Variants in CHRNA4 observed in about 807,000 individuals in gnomAD.
CHRNA4 encodes the protein cholinergic receptor nicotinic alpha 4 subunit.
A neutral mutation model predicts 48.9 loss-of-function variants in CHRNA4; 28 were observed. The observed-to-expected ratio is 0.57, with a 90% CI of 0.42 to 0.79. CHRNA4 has a LOEUF of 0.79. Ranked by LOEUF, CHRNA4 falls within the 30% of genes least tolerant of loss-of-function variation. The pLI, the probability that CHRNA4 is intolerant of heterozygous loss-of-function variation, is 0.00. For synonymous variants in CHRNA4, 425 were observed against 402.3 expected, an observed-to-expected ratio of 1.06 and a Z score of -0.68; for missense variants, 859 against 898.4, an observed-to-expected ratio of 0.96 and a Z score of 0.56.
At position 63,356,147 on chromosome 20, in the gene CHRNA4, A is replaced by C. The variant is rs111928592; in HGVS notation, c.274-63T>G. The C allele has an allele frequency of 3.2e-4, 107 of 338,968 alleles. 1 individual carries two copies. The African/African-American group carries it at 3.8e-3, about 12-fold the overall frequency. 21.0% of individuals were successfully genotyped at this position (338,968 alleles called of 1,614,324 possible). ...GGGTGTGGGGGAGGGCAGGGGCGGGACAGGGCCAGGGTGGGGCAGGGGCAG... is the reference window on the plus strand; with the variant it reads ...GGGTGTGGGGGAGGGCAGGGGCGGGCCAGGGCCAGGGTGGGGCAGGGGCAG... On this transcript the variant is annotated intron_variant, in intron 3 of 5. Coordinates refer to ENST00000370263, the MANE Select transcript of CHRNA4 (RefSeq NM_000744.7).
intron 2 of CHRNA4, among the ~76,000 whole-genome samples, chr20:63,359,194 C>T (rs45554334): frequency 0.02 from 3,049 of 152,278 alleles, 47 homozygotes; most frequent in Middle Eastern, 0.099. Flanking sequence ...CTGCCCCGGC[C>T]GGTTGTCCCT....
intron 2 of CHRNA4, 164 bp from the exon 3 acceptor site, chr20:63,356,579 G>A (rs1321579201): frequency 1.4e-6 from 1 of 705,898 alleles, no homozygotes; most frequent in East Asian, 2.7e-5. Flanking sequence ...AGGCAGCCGA[G>A]CCCAGGATGG....
Position 63,346,195 on chromosome 20 carries a change from G to C in CHRNA4, c.*543C>G, listed in dbSNP as rs1162312136. 2.2e-6 allele frequency: 1 copy of C among 454,274 alleles called. No individual in the cohort carries two copies. Among genetic ancestry groups the C allele is most frequent in the Non-Finnish European group, 4.4e-6 (1 of 226,892 alleles). The allele number at this position is 454,274 out of a possible 1,614,324, so 28.1% of individuals were successfully genotyped here. ...GCCTGGACCCTCTCCTAGCGAAGCA[G>C]ATTGGAGCGCTGCTGGCTCACCCTC... On this transcript the variant is annotated 3_prime_UTR_variant, in exon 6 of 6. Coordinates refer to ENST00000370263, the MANE Select transcript of CHRNA4 (RefSeq NM_000744.7).
At chr20:63,353,656 G>C (rs114300953) in intron 4 of CHRNA4, among the ~76,000 whole-genome samples, 1 of 72,670 alleles carries the variant, frequency 1.4e-5, no homozygotes, top group South Asian at 6.1e-4. Context: ...TAGTCCTAGG[G>C]GGCTGTGGTC....
chr20:63,359,496 T>C, intron 2 of CHRNA4, 52 bp downstream of exon 2: 1 of 1,609,942 alleles, frequency 6.2e-7, no homozygotes, highest in Non-Finnish European at 8.5e-7. Flanking sequence ...ACCCCTGTGC[T>C]CCTTGCAGGG....
Position 63,349,645 on chromosome 20 carries a change from G to A in CHRNA4, c.1758+8C>T, listed in dbSNP as rs564720339. The A allele has an allele frequency of 1.9e-6, 3 of 1,612,720 alleles. No individual in the cohort carries two copies. Among genetic ancestry groups the A allele is most frequent in the Middle Eastern group, 1.7e-4 (1 of 6,060 alleles). ...GAGGCGCCCAACACAGCCATGGGCG[G>A]GACTTACCGAGAAGTCTGTGTCTTC... On this transcript the variant is annotated splice_region_variant and intron_variant, in intron 5 of 5. Transcript: ENST00000370263.
rs1159384211 is a variant in CHRNA4, at chr20:63,345,051, G to A, written c.*1687C>T. On this transcript the variant is annotated 3_prime_UTR_variant, in exon 6 of 6. Coordinates refer to ENST00000370263, the MANE Select transcript of CHRNA4 (RefSeq NM_000744.7). This position sits in a 1 kb window ranked among gnomAD's most constrained non-coding sequence, Gnocchi z 5.4. ...AGCAGCAGTTCAGAGGCAGGTGTGG[G>A]CAATGTGGGCCTGAGTCTCCTCCCC... 1 of 453,664 alleles carries A rather than the reference G, an allele frequency of 2.2e-6. No homozygotes were observed. Among genetic ancestry groups the A allele is most frequent in the Non-Finnish European group, 4.4e-6 (1 of 226,560 alleles). 28.1% of individuals were successfully genotyped at this position (453,664 alleles called of 1,614,324 possible). A position where few individuals can be genotyped will look rare whatever the true frequency, so the allele number is the denominator to read the frequency against.
In CHRNA4 at chr20:63,345,758, G is replaced by T. The variant is rs767434662; in HGVS notation, c.*980C>A. 7 of 446,002 alleles carry T rather than the reference G, an allele frequency of 1.6e-5. No individual in the cohort carries two copies. The highest frequency in any genetic ancestry group is 4.0e-5 in the African/African-American group (2 of 49,864). The allele number at this position is 446,002 out of a possible 1,614,324, so 27.6% of individuals were successfully genotyped here. ...ACTGTAGCAGGAAGTCCTTCTTCCC[G>T]AACCCAGAGCCCAGGGCGGATCTCC... On this transcript the variant is annotated 3_prime_UTR_variant, in exon 6 of 6. Coordinates refer to ENST00000370263, the MANE Select transcript of CHRNA4 (RefSeq NM_000744.7). This position sits in a 1 kb window ranked among gnomAD's most constrained non-coding sequence, Gnocchi z 5.4.
At chr20:63,349,546 C>T in intron 5 of CHRNA4, 107 bp downstream of exon 5, 1 of 1,435,350 alleles carries the variant, frequency 7.0e-7, no homozygotes, top group South Asian at 1.1e-5. Flanking sequence ...CAAAGCGAAG[C>T]AGCCTGAGGC....
rs200132743 is a variant in CHRNA4 at position 63,344,537 on chromosome 20, G to T, written c.*2201C>A. 2.2e-6 allele frequency: 1 copy of T among 451,608 alleles called. No individual in the cohort carries two copies. The highest frequency in any genetic ancestry group is 4.4e-6 in the Non-Finnish European group (1 of 226,358). 28.0% of individuals were successfully genotyped at this position (451,608 alleles called of 1,614,324 possible). A position where few individuals can be genotyped will look rare whatever the true frequency, so the allele number is the denominator to read the frequency against. ...GAAAGGGGTCTTCCCCCAGGCAAGCGGCCACCCCCGGCAGGAGGGTCCCCC... is the reference window on the plus strand; with the variant it reads ...GAAAGGGGTCTTCCCCCAGGCAAGCTGCCACCCCCGGCAGGAGGGTCCCCC... On this transcript the variant is annotated 3_prime_UTR_variant, in exon 6 of 6. Transcript: ENST00000370263. This position sits in a 1 kb window ranked among gnomAD's most constrained non-coding sequence, Gnocchi z 4.5.
At chr20:63,349,424 G>T in intron 5 of CHRNA4, 1 of 603,746 alleles carries the variant, frequency 1.7e-6, no homozygotes, top group Non-Finnish European at 2.9e-6. Context: ...ACGGCACCGG[G>T]ATCCACCCTG....
At position 63,345,818 on chromosome 20, in the gene CHRNA4, C is replaced by T. The variant is rs201603407; in HGVS notation, c.*920G>A. 16 of 448,942 alleles carry T rather than the reference C, an allele frequency of 3.6e-5. No individual in the cohort carries two copies. The highest frequency in any genetic ancestry group is 1.6e-4 in the African/African-American group (8 of 50,008). The allele number at this position is 448,942 out of a possible 1,614,324, so 27.8% of individuals were successfully genotyped here. On this transcript the variant is annotated 3_prime_UTR_variant, in exon 6 of 6. Coordinates refer to ENST00000370263, the MANE Select transcript of CHRNA4 (RefSeq NM_000744.7). This position sits in a 1 kb window ranked among gnomAD's most constrained non-coding sequence, Gnocchi z 5.4. ...CGCCAAGGTGGAAACCCTCAGGGTC[C>T]TGGGGGAACCAGGGCCCAGGTCTGG...
chr20:63,347,050 G>C, intron 5 of CHRNA4, 187 bp from the exon 6 acceptor site: 2 of 786,632 alleles, frequency 2.5e-6, no homozygotes, highest in South Asian at 3.1e-5. Flanking sequence ...GGGACAGCCA[G>C]TGCTCTGCGG....
chr20:63,351,724 C>T (rs1350117824), intron 4 of CHRNA4, among the ~76,000 whole-genome samples: 3 of 152,270 alleles, frequency 2.0e-5, no homozygotes, highest in East Asian at 1.9e-4. Context: ...TCCAGGGCCA[C>T]GTCTGAGCCA....
In CHRNA4 at chr20:63,346,481, G is replaced by A. The variant is rs1162064489; in HGVS notation, c.*257C>T. 4 of 652,246 alleles carry A rather than the reference G, an allele frequency of 6.1e-6. No homozygotes were observed. The highest frequency in any genetic ancestry group is 5.6e-6 in the Non-Finnish European group (2 of 355,242). The allele number at this position is 652,246 out of a possible 1,614,324, so 40.4% of individuals were successfully genotyped here. A position where few individuals can be genotyped will look rare whatever the true frequency, so the allele number is the denominator to read the frequency against. On this transcript the variant is annotated 3_prime_UTR_variant, in exon 6 of 6. Coordinates refer to ENST00000370263, the MANE Select transcript of CHRNA4 (RefSeq NM_000744.7). ...TTAGCCCGAGTCCTGCAGGTAGAAG[G>A]CGCCGACCCCCACCTCTGCTCCAAG...
chr20:63,349,899 G>A lies in CHRNA4; in HGVS notation c.1512C>T (p.Gly504=). 1 of 1,594,894 alleles carries A rather than the reference G, an allele frequency of 6.3e-7. No homozygotes were observed. The highest frequency in any genetic ancestry group is 8.6e-7 in the Non-Finnish European group (1 of 1,169,230). ...GAGAGGCCAGGGCGCCGGCAGCCTG[G>A]CCATCTGCCTCGGGGGCGGCATCGT... ...PRDDAAPEAD[G]QAAGALASRN... is the part of the protein sequence containing the mutation. Residue 504 remains glycine, a synonymous_variant, in exon 5 of 6, where the codon GGC becomes GGT. Coordinates refer to ENST00000370263, the MANE Select transcript of CHRNA4 (RefSeq NM_000744.7).
In CHRNA4 at chr20:63,350,196, T is replaced by C. The variant is rs1171154554; in HGVS notation, c.1215A>G (p.Ser405=). ...TSGTQSLHPP[S]PSFCVPLDVP... Reference sequence around the variant, plus strand: ...CATCCAGGGGGACACAGAAGGACGGTGAGGGCGGGTGCAGGCTCTGGGTGC... The same window carrying C: ...CATCCAGGGGGACACAGAAGGACGGCGAGGGCGGGTGCAGGCTCTGGGTGC... The change falls in exon 5 of 6, where the codon TCA becomes TCG. Residue 405 remains serine, a synonymous_variant. Coordinates refer to ENST00000370263, the MANE Select transcript of CHRNA4 (RefSeq NM_000744.7). 3.8e-6 allele frequency: 6 copies of C among 1,598,788 alleles called. No individual in the cohort carries two copies. In the Admixed American group the frequency reaches 6.9e-5, roughly 18 times the overall value.
intron 2 of CHRNA4, among the ~76,000 whole-genome samples, chr20:63,356,991 CCG>C (rs1491471987): frequency 1.6e-3 from 25 of 15,872 alleles, no homozygotes; most frequent in African/African-American, 2.5e-3. Context: ...CACGTCCCCA[CCG>C]ACCACATCTC....
At chr20:63,349,478 G>A (rs2068547025) in intron 5 of CHRNA4, 175 bp downstream of exon 5, 1 of 843,972 alleles carries the variant, frequency 1.2e-6, no homozygotes, top group South Asian at 1.6e-5. Context: ...CCTGGGACCT[G>A]CGGCCACATA....
Sources: allele counts gnomAD v4.1 joint callset (sites outside exome capture counted in the v4.1 genomes callset), GRCh38; gene constraint gnomAD v4.1.1; non-coding constraint Gnocchi (gnomAD v3.1); transcripts MANE v1.5; gene names NCBI Gene and HGNC (gene_info 2026-07-23, HGNC 2026-07-21).